BICRA: variants seen among roughly 807,000 people sequenced by gnomAD.
The protein encoded by BICRA is BRD4 interacting chromatin remodeling complex associated protein.
BICRA carries 31 observed loss-of-function variants against 96.9 expected under a neutral mutation model. That is an observed-to-expected ratio of 0.32 (90% CI 0.24 to 0.43). BICRA has a LOEUF of 0.43. BICRA is among the 20% of genes least tolerant of loss of function. The pLI is 1.00. For synonymous variants in BICRA, 1,350 were observed against 1,071.8 expected, an observed-to-expected ratio of 1.26 and a Z score of -5.07; for missense variants, 2,283 against 2,190.3, an observed-to-expected ratio of 1.04 and a Z score of -0.84.
chr19:47,608,611 G>A (rs906761017), upstream of BICRA, among the ~76,000 whole-genome samples: 1 of 152,070 alleles, frequency 6.6e-6, no homozygotes, highest in Non-Finnish European at 1.5e-5. Context: ...ATCAGGGCTC[G>A]AGGCAGTCGA....
At position 47,679,369 on chromosome 19, in the gene BICRA, C is replaced by A. The variant is rs1176650521; in HGVS notation, c.199C>A (p.Gln67Lys). The change falls in exon 6 of 15, where the codon CAG becomes AAG. Residue 67 changes from glutamine (Q) to lysine (K), a missense_variant. Coordinates refer to ENST00000594866, the MANE Select transcript of BICRA (RefSeq NM_001394372.1). ...SGNHLNPEPN[Q>K]PAPSVDLDFL... ...CAACCACCTGAACCCAGAGCCCAAC[C>A]AGCCGGCCCCCAGTGTGGACCTAGA... 4 of 1,433,314 alleles carry A rather than the reference C, an allele frequency of 2.8e-6. No individual in the cohort carries two copies. The Admixed American group carries it at 9.1e-5, about 32-fold the overall frequency. The allele number at this position is 1,433,314 out of a possible 1,614,324, so 88.8% of individuals were successfully genotyped here.
At chr19:47,620,201 G>A (rs1433355433) in intron 1 of BICRA, among the ~76,000 whole-genome samples, 1 of 152,132 alleles carries the variant, frequency 6.6e-6, no homozygotes, top group Non-Finnish European at 1.5e-5. Flanking sequence ...GCTCCAAACT[G>A]CAGAAGATGA....
At chr19:47,700,972 C>T (rs1195948991) in intron 14 of BICRA, 1 of 332,166 alleles carries the variant, frequency 3.0e-6, no homozygotes, top group African/African-American at 2.2e-5. Context: ...AGACAGGGGT[C>T]TCACTACTGT....
rs757455964 is a variant in BICRA at position 47,694,921 on chromosome 19, C to A, written c.2917C>A (p.Gln973Lys). The change falls in exon 9 of 15, where the codon CAG (glutamine) becomes AAG (lysine). Residue 973 changes from glutamine (Q) to lysine (K), a missense_variant. By Grantham distance (53) the Gln-to-Lys change is moderately conservative. Transcript: ENST00000594866. Reference protein sequence around the residue: ...FHQVPSGIILQNKAGGAPAAP... With the variant: ...FHQVPSGIILKNKAGGAPAAP... Reference sequence around the variant, plus strand: ...TCAGGTGCCGTCCGGAATCATCCTCCAGAACAAGGCTGGGGGGGCCCCTGC... The same window carrying A: ...TCAGGTGCCGTCCGGAATCATCCTCAAGAACAAGGCTGGGGGGGCCCCTGC... 6.6e-7 allele frequency: 1 copy of A among 1,524,042 alleles called. No homozygotes were observed. 94.4% of individuals were successfully genotyped at this position (1,524,042 alleles called of 1,614,324 possible). A position where few individuals can be genotyped will look rare whatever the true frequency, so the allele number is the denominator to read the frequency against.
At chr19:47,649,254 C>T (rs114945265) in intron 1 of BICRA, among the ~76,000 whole-genome samples, 1,603 of 152,018 alleles carry the variant, frequency 0.011, 21 homozygotes, top group African/African-American at 0.037. Context: ...CCCAAAGGCT[C>T]GGATTACAGG....
chr19:47,664,505 C>T (rs181955859), intron 1 of BICRA, among the ~76,000 whole-genome samples: 1 of 152,282 alleles, frequency 6.6e-6, no homozygotes, highest in Non-Finnish European at 1.5e-5. Flanking sequence ...ATGGTGCGAT[C>T]TGGGGCAAGT....
intron 1 of BICRA, among the ~76,000 whole-genome samples, chr19:47,669,344 G>A (rs1020193349): frequency 2.0e-5 from 3 of 152,028 alleles, no homozygotes; most frequent in Non-Finnish European, 4.4e-5. Context: ...GTGATGTATC[G>A]ATTGATGGGT....
At chr19:47,612,617 C>A (rs1971924937) in intron 1 of BICRA, among the ~76,000 whole-genome samples, 1 of 149,304 alleles carries the variant, frequency 6.7e-6, no homozygotes, top group Non-Finnish European at 1.5e-5. Flanking sequence ...GCTGTAGGGG[C>A]TGGGGGGCTG....
intron 2 of BICRA, among the ~76,000 whole-genome samples, chr19:47,670,921 G>A (rs561950005): frequency 7.9e-5 from 12 of 152,066 alleles, no homozygotes; most frequent in African/African-American, 1.7e-4. Context: ...GTGAGAGTAC[G>A]TCCTCACCAC....
At chr19:47,677,111 C>T (rs564397022) in intron 5 of BICRA, among the ~76,000 whole-genome samples, 1 of 152,292 alleles carries the variant, frequency 6.6e-6, no homozygotes, top group South Asian at 2.1e-4. Flanking sequence ...GGGAGCAGCA[C>T]CCGCCTCATG....
chr19:47,699,492 G>A lies in BICRA; in HGVS notation c.3595+87G>A. On this transcript the variant is annotated intron_variant, in intron 14 of 14. Transcript: ENST00000594866. The surrounding 1 kb of genome is among the most constrained non-coding windows in gnomAD (Gnocchi z 5.0). ...GAGTTAGATTCAGGGCGGGGAGTGGGTGTGTGGCCCTACCTCACTCCACCA... is the reference window on the plus strand; with the variant it reads ...GAGTTAGATTCAGGGCGGGGAGTGGATGTGTGGCCCTACCTCACTCCACCA... 1 of 778,106 alleles carries A rather than the reference G, an allele frequency of 1.3e-6. No homozygotes were observed. 48.2% of individuals were successfully genotyped at this position (778,106 alleles called of 1,614,324 possible).
chr19:47,632,274 C>T (rs1972231954), intron 1 of BICRA, among the ~76,000 whole-genome samples: 1 of 152,238 alleles, frequency 6.6e-6, no homozygotes, highest in African/African-American at 2.4e-5. Flanking sequence ...AAAGGCTTCA[C>T]CATTTTCACT....
In BICRA at chr19:47,701,958, C is replaced by T. The variant is rs1973461683; in HGVS notation, c.4226C>T (p.Ala1409Val). Residue 1409 changes from alanine (A) to valine (V), a missense_variant, in exon 15 of 15, where the codon GCA (alanine) becomes GTA (valine). Ala to Val is a moderately conservative substitution (Grantham distance 64, BLOSUM62 0). Transcript: ENST00000594866. This position sits in a 1 kb window ranked among gnomAD's most constrained non-coding sequence, Gnocchi z 5.4. ...CCGGAGGGGACGCCCGCAGGCAGGG[C>T]ACGGGGAGGCAGCCCGGCGCCGCTG... The part of the protein sequence containing the change: ...GAPEGTPAGR[A>V]RGGSPAPLPA... The T allele has an allele frequency of 2.7e-6, 4 of 1,456,440 alleles. No individual in the cohort carries two copies. The East Asian group carries it at 1.2e-4, about 43-fold the overall frequency. The allele number at this position is 1,456,440 out of a possible 1,614,324, so 90.2% of individuals were successfully genotyped here.
intron 1 of BICRA, among the ~76,000 whole-genome samples, chr19:47,652,763 G>A (rs1972558221): frequency 6.6e-6 from 1 of 152,090 alleles, no homozygotes; most frequent in African/African-American, 2.4e-5. Context: ...TGAAAACTAT[G>A]CAGTGGAACA....
Position 47,703,066 on chromosome 19 carries a change from C to T in BICRA, c.*651C>T, listed in dbSNP as rs1010845870. On this transcript the variant is annotated 3_prime_UTR_variant, in exon 15 of 15. Coordinates refer to ENST00000594866, the MANE Select transcript of BICRA (RefSeq NM_001394372.1). ...AGCAAAACAAGAAACTGGGGTCTTC[C>T]TCTCCCCCGAACCTCTCCCCAGCTA... is the stretch of plus-strand genomic sequence containing the variant. 2 of 152,782 alleles carry T rather than the reference C, an allele frequency of 1.3e-5. No individual in the cohort carries two copies. Among genetic ancestry groups the T allele is most frequent in the Non-Finnish European group, 2.9e-5 (2 of 68,156 alleles). 9.5% of individuals were successfully genotyped at this position (152,782 alleles called of 1,614,324 possible).
chr19:47,609,174 T>C lies in BICRA; in HGVS notation c.-108+6T>C, dbSNP rs930823625. 6.7e-6 allele frequency: 1 copy of C among 149,288 alleles called. No homozygotes were observed. The highest frequency in any genetic ancestry group is 2.4e-5 in the African/African-American group (1 of 40,856). 9.2% of individuals were successfully genotyped at this position (149,288 alleles called of 1,614,324 possible). On this transcript the variant is annotated splice_donor_region_variant and intron_variant, in intron 1 of 14. Transcript: ENST00000594866. ...ACGGCTGCTCAAACATCAGGGTGAG[T>C]TTCTCACAATGTAGCAATTTCTCTT...
At chr19:47,695,725 T>C (rs1973330373) in intron 10 of BICRA, among the ~76,000 whole-genome samples, 1 of 150,648 alleles carries the variant, frequency 6.6e-6, no homozygotes, top group Non-Finnish European at 1.5e-5. Flanking sequence ...CTGGCAACAG[T>C]GTAAGGGACT....
At chr19:47,629,088 G>A (rs1204450327) in intron 1 of BICRA, among the ~76,000 whole-genome samples, 2 of 152,010 alleles carry the variant, frequency 1.3e-5, no homozygotes, top group African/African-American at 4.8e-5. Context: ...TGCAAGCTCC[G>A]CTTCCCGGGT....
rs558221406 is a variant in BICRA, at chr19:47,677,604, G to A, written c.150+1688G>A. ...CCGGCTGCTTGGGAGGCTAAGGCAG[G>A]AGAATTGCTTGAACTCGTGGGCGGA... is the stretch of plus-strand genomic sequence containing the variant. On this transcript the variant is annotated intron_variant, in intron 5 of 14. Transcript: ENST00000594866. 3.9e-5 allele frequency among the ~76,000 whole-genome samples: 6 copies of A among 152,124 alleles called. No individual in the cohort carries two copies. The South Asian group carries it at 1.2e-3, about 32-fold the overall frequency.
Sources: allele counts gnomAD v4.1 joint callset (sites outside exome capture counted in the v4.1 genomes callset), GRCh38; gene constraint gnomAD v4.1.1; non-coding constraint Gnocchi (gnomAD v3.1); transcripts MANE v1.5; gene names NCBI Gene and HGNC (gene_info 2026-07-23, HGNC 2026-07-21).